The following ACAP2 variants were observed in gnomAD, a reference collection of about 807,000 sequenced individuals.
ACAP2 encodes the protein arf-GAP with coiled-coil, ANK repeat and PH domain-containing protein 2.
In ACAP2, 39 loss-of-function variants were observed where a neutral mutation model predicts 115.8. That is an observed-to-expected ratio of 0.34 (90% confidence interval 0.26 to 0.44). The LOEUF (loss-of-function observed/expected upper bound fraction) is 0.44. Ranked by LOEUF, ACAP2 falls within the 20% of genes least tolerant of loss-of-function variation. ACAP2 has a pLI of 1.00. For synonymous variants in ACAP2, 289 were observed against 315.8 expected (o/e 0.92, Z 0.90); for missense variants, 662 against 927.6 (o/e 0.71, Z 3.72).
intron 4 of ACAP2, among the ~76,000 whole-genome samples, chr3:195,348,055 T>TTA (rs565594660): frequency 6.9e-6 from 1 of 145,918 alleles, no homozygotes; most frequent in African/African-American, 2.5e-5. Flanking sequence ...AGAAAACTTG[T>TTA]AAAAAAAAAA....
intron 1 of ACAP2, among the ~76,000 whole-genome samples, chr3:195,408,219 T>C (rs996565766): frequency 1.3e-5 from 2 of 152,166 alleles, no homozygotes; most frequent in Non-Finnish European, 2.9e-5. Context: ...CCCAGCACTT[T>C]GGGAGCCCAA....
chr3:195,372,920 G>A (rs1194337853), intron 4 of ACAP2, among the ~76,000 whole-genome samples: 15 of 145,566 alleles, frequency 1.0e-4, no homozygotes, highest in East Asian at 3.9e-4. Flanking sequence ...CCCGGGAGGC[G>A]GAGCTTGCAG....
chr3:195,317,957 C>T (rs777034802), intron 10 of ACAP2, among the ~76,000 whole-genome samples: 2 of 152,132 alleles, frequency 1.3e-5, no homozygotes, highest in Admixed American at 6.5e-5. Context: ...GAACTGTAAT[C>T]CCCACATGCC....
chr3:195,320,672 G>T, intron 10 of ACAP2, 29 bp downstream of exon 10: 1 of 1,487,920 alleles, frequency 6.7e-7, no homozygotes, highest in Non-Finnish European at 9.4e-7. Context: ...ACTATGTATA[G>T]ATCAAGACTA....
At chr3:195,435,303 T>C (rs1715451848) in intron 1 of ACAP2, among the ~76,000 whole-genome samples, 1 of 151,850 alleles carries the variant, frequency 6.6e-6, no homozygotes, top group Non-Finnish European at 1.5e-5. Flanking sequence ...GCCTCCCGAG[T>C]AGCTGGGATT....
chr3:195,343,712 G>A (rs1423142459), intron 5 of ACAP2, among the ~76,000 whole-genome samples: 1 of 152,164 alleles, frequency 6.6e-6, no homozygotes, highest in Non-Finnish European at 1.5e-5. Flanking sequence ...CTGAAAATCT[G>A]AAACACTTGG....
intron 1 of ACAP2, among the ~76,000 whole-genome samples, chr3:195,423,291 A>G (rs1714334286): frequency 6.6e-6 from 1 of 152,208 alleles, no homozygotes; most frequent in Non-Finnish European, 1.5e-5. Flanking sequence ...GGCTAGACAG[A>G]TGTTCACTGT....
At chr3:195,388,956 G>T (rs1377580884) in intron 2 of ACAP2, among the ~76,000 whole-genome samples, 1 of 149,422 alleles carries the variant, frequency 6.7e-6, no homozygotes, top group Non-Finnish European at 1.5e-5. Context: ...CCTGGAAGGT[G>T]GAAGCTGCAA....
intron 4 of ACAP2, among the ~76,000 whole-genome samples, chr3:195,378,283 G>GA (rs1254986230): frequency 6.6e-6 from 1 of 151,902 alleles, no homozygotes; most frequent in South Asian, 2.1e-4. Flanking sequence ...ACAAGGTCAA[G>GA]AGATCGAGAC....
chr3:195,351,426 A>G (rs897958116), intron 4 of ACAP2, among the ~76,000 whole-genome samples: 1 of 140,946 alleles, frequency 7.1e-6, no homozygotes, highest in Non-Finnish European at 1.5e-5. Context: ...CAATAAATCC[A>G]TATTTTTTCT....
chr3:195,351,117 C>CTTTTTTTTT (rs1160492256), intron 4 of ACAP2, among the ~76,000 whole-genome samples: 8 of 107,312 alleles, frequency 7.5e-5, no homozygotes, highest in Admixed American at 1.9e-4. Flanking sequence ...AAGATAAATC[C>CTTTTTTTTT]TTTTTTTTTT....
At chr3:195,314,544 C>T (rs947006532) in intron 10 of ACAP2, among the ~76,000 whole-genome samples, 1 of 152,142 alleles carries the variant, frequency 6.6e-6, no homozygotes, top group Non-Finnish European at 1.5e-5. Context: ...GCTGGGATTA[C>T]AGGCATGAGC....
intron 1 of ACAP2, among the ~76,000 whole-genome samples, chr3:195,394,078 T>G (rs958158021): frequency 1.3e-5 from 2 of 152,118 alleles, no homozygotes; most frequent in Non-Finnish European, 2.9e-5. Flanking sequence ...TAAGCAACGT[T>G]TAAAGCTAAT....
intron 2 of ACAP2, among the ~76,000 whole-genome samples, chr3:195,382,584 G>A (rs577521098): frequency 7.8e-4 from 119 of 151,752 alleles, no homozygotes; most frequent in Non-Finnish European, 1.2e-3. Flanking sequence ...CCAAAATCTT[G>A]GGTAAATGTC....
Position 195,281,233 on chromosome 3 carries a change from G to A in ACAP2, c.2237-1805C>T, listed in dbSNP as rs59702815. On this transcript the variant is annotated intron_variant, in intron 22 of 22. Coordinates refer to ENST00000326793, the MANE Select transcript of ACAP2 (RefSeq NM_012287.6). ...ATCCTGGCTAACACGGTGAAACCCC[G>A]TCTCTATTAAAAATACAAAAAATTA... Among the ~76,000 whole-genome samples the A allele has an allele frequency of 1.1e-3, 162 of 152,110 alleles. 5 individuals carry two copies. In the East Asian group the frequency reaches 0.019, roughly 18 times the overall value.
chr3:195,301,235 G>A (rs984925841), intron 15 of ACAP2, among the ~76,000 whole-genome samples: 13 of 151,880 alleles, frequency 8.6e-5, no homozygotes, highest in Non-Finnish European at 1.5e-4. Flanking sequence ...ACAGGCACCC[G>A]CCACCACGCC....
At chr3:195,354,531 G>A (rs1731826372) in intron 4 of ACAP2, among the ~76,000 whole-genome samples, 1 of 151,998 alleles carries the variant, frequency 6.6e-6, no homozygotes, top group Non-Finnish European at 1.5e-5. Flanking sequence ...ATGGGGTTGT[G>A]TTTTTCTTTA....
At chr3:195,313,856 A>T (rs1362430635) in intron 10 of ACAP2, among the ~76,000 whole-genome samples, 3 of 152,220 alleles carry the variant, frequency 2.0e-5, no homozygotes, top group Admixed American at 2.0e-4. Flanking sequence ...AAGTTCTAAT[A>T]ATCCACTAAT....
chr3:195,398,917 G>A (rs1203651729), intron 1 of ACAP2, among the ~76,000 whole-genome samples: 1 of 152,136 alleles, frequency 6.6e-6, no homozygotes, highest in African/African-American at 2.4e-5. Flanking sequence ...GAGCCCCTGA[G>A]AAAATCATTT....
Sources: allele counts gnomAD v4.1 joint callset (sites outside exome capture counted in the v4.1 genomes callset), GRCh38; gene constraint gnomAD v4.1.1; transcripts MANE v1.5; gene names NCBI Gene and HGNC (gene_info 2026-07-23, HGNC 2026-07-21).